Variants in PCDH15 observed in about 807,000 individuals in gnomAD.
PCDH15 encodes protocadherin related 15.
Under a neutral mutation model 178.5 loss-of-function variants are expected in PCDH15, and 129 were observed. The ratio of observed to expected loss-of-function variants is 0.72; its 90% CI spans 0.63 to 0.84. The LOEUF (loss-of-function observed/expected upper bound fraction) is 0.84. Ranked by LOEUF, PCDH15 falls within the 40% of genes least tolerant of loss-of-function variation. PCDH15 has a pLI of 0.00. For missense variants in PCDH15, 2,230 were observed against 2,099.9 expected (o/e 1.06, Z -1.21); for synonymous variants, 800 against 732.0 (o/e 1.09, Z -1.50).
intron 3 of PCDH15, among the ~76,000 whole-genome samples, chr10:54,525,107 G>T (rs1251338754): frequency 2.0e-5 from 3 of 152,140 alleles, no homozygotes; most frequent in Admixed American, 6.5e-5. Flanking sequence ...ATAAATAAGT[G>T]TTCTATAAAT....
intron 2 of PCDH15, among the ~76,000 whole-genome samples, chr10:55,462,031 G>A (rs1200069336): frequency 6.6e-6 from 1 of 152,026 alleles, no homozygotes; most frequent in Non-Finnish European, 1.5e-5. Context: ...TCGTGGTTTT[G>A]TGGGGTTTTT....
intron 1 of PCDH15, among the ~76,000 whole-genome samples, chr10:54,697,667 G>A (rs1376477036): frequency 1.3e-5 from 1 of 79,250 alleles, no homozygotes; most frequent in East Asian, 3.2e-4. Context: ...GAAGGGGAAG[G>A]GGGAAGGGGA....
rs149541828 is a variant in PCDH15, at chr10:54,096,053, C to T, written c.1918-5990G>A. ...TCTTCTCTGGAGAGCACTACAATCCCTATTTTACACATAATAAAATCTTAA... is the reference window on the plus strand; with the variant it reads ...TCTTCTCTGGAGAGCACTACAATCCTTATTTTACACATAATAAAATCTTAA... On this transcript the variant is annotated intron_variant, in intron 15 of 37. Transcript: ENST00000644397. 1.2e-3 allele frequency among the ~76,000 whole-genome samples: 188 copies of T among 152,192 alleles called. 3 individuals are homozygous for T. In the East Asian group the frequency reaches 0.033, roughly 26 times the overall value.
At chr10:54,199,567 C>CAATAATAATAATAATAATAAT (rs1408960891) in intron 10 of PCDH15, among the ~76,000 whole-genome samples, 4 of 89,576 alleles carry the variant, frequency 4.5e-5, no homozygotes, top group African/African-American at 9.6e-5. Context: ...ACAACAACAA[C>CAATAATAATAATAATAATAAT]AACAATAATA....
intron 3 of PCDH15, among the ~76,000 whole-genome samples, chr10:54,853,342 T>C (rs1288222614): frequency 1.5e-5 from 2 of 132,810 alleles, no homozygotes; most frequent in Admixed American, 8.3e-5. Flanking sequence ...TATACATATA[T>C]ATACATATAT....
At chr10:54,347,536 A>G (rs1943497895) in intron 5 of PCDH15, among the ~76,000 whole-genome samples, 1 of 152,180 alleles carries the variant, frequency 6.6e-6, no homozygotes, top group Non-Finnish European at 1.5e-5. Context: ...GGATTCCTTG[A>G]TGGTAAAAAT....
At chr10:54,351,759 C>A (rs912694823) in intron 5 of PCDH15, among the ~76,000 whole-genome samples, 1 of 152,100 alleles carries the variant, frequency 6.6e-6, no homozygotes, top group Non-Finnish European at 1.5e-5. Flanking sequence ...ACCCTGCCCA[C>A]CTTTTTTTGC....
chr10:55,476,127 C>A lies in PCDH15; in HGVS notation c.-156+151498G>T, dbSNP rs545417778. Among the ~76,000 whole-genome samples, 93 of 152,158 alleles carry A rather than the reference C, an allele frequency of 6.1e-4. No individual in the cohort carries two copies. The South Asian group carries it at 9.1e-3, about 15-fold the overall frequency. Reference sequence around the variant, plus strand: ...ATATCCAGTGCAATAACAGTAGAGGCTCAATAAGTACATGCTAAAACAATT... The same window carrying A: ...ATATCCAGTGCAATAACAGTAGAGGATCAATAAGTACATGCTAAAACAATT... On this transcript the variant is annotated intron_variant, in intron 2 of 5. Coordinates refer to the PCDH15 transcript ENST00000613346.
intron 11 of PCDH15, among the ~76,000 whole-genome samples, chr10:54,191,206 G>A (rs1211867431): frequency 6.6e-6 from 1 of 152,134 alleles, no homozygotes; most frequent in Non-Finnish European, 1.5e-5. Flanking sequence ...TAAGATATAG[G>A]ACCTATTCTC....
intron 2 of PCDH15, among the ~76,000 whole-genome samples, chr10:55,580,127 G>A (rs1564464036): frequency 6.6e-6 from 1 of 152,160 alleles, no homozygotes; most frequent in Non-Finnish European, 1.5e-5. Context: ...AAAGTGCTGG[G>A]ATTACAGGCG....
intron 2 of PCDH15, among the ~76,000 whole-genome samples, chr10:55,052,719 A>C (rs2131989671): frequency 6.6e-6 from 1 of 151,914 alleles, no homozygotes; most frequent in Middle Eastern, 3.4e-3. Flanking sequence ...CTGTCTCAAA[A>C]TAATTAATAA....
At chr10:53,907,139 G>A (rs753832047) in intron 25 of PCDH15, 1 of 152,032 alleles carries the variant, frequency 6.6e-6, no homozygotes, top group Non-Finnish European at 1.5e-5. Context: ...CTTGGCTCAC[G>A]TGCTTCCCCA....
chr10:54,000,391 G>T (rs1468934748), intron 20 of PCDH15, among the ~76,000 whole-genome samples: 2 of 152,110 alleles, frequency 1.3e-5, no homozygotes, highest in Admixed American at 6.5e-5. Context: ...TTCAGACAGA[G>T]AATTCAAAAT....
intron 2 of PCDH15, among the ~76,000 whole-genome samples, chr10:55,010,400 A>G (rs1360269010): frequency 1.3e-5 from 2 of 152,148 alleles, no homozygotes; most frequent in African/African-American, 4.8e-5. Flanking sequence ...TAAACAATAG[A>G]GAAGCCCATC....
chr10:54,986,925 T>C (rs1839383385), intron 2 of PCDH15, among the ~76,000 whole-genome samples: 2 of 152,198 alleles, frequency 1.3e-5, no homozygotes, highest in African/African-American at 4.8e-5. Flanking sequence ...TCAGGATACA[T>C]GTGCAGAATA....
At chr10:53,975,266 T>C (rs187089071) in intron 21 of PCDH15, among the ~76,000 whole-genome samples, 8 of 152,244 alleles carry the variant, frequency 5.3e-5, no homozygotes, top group Admixed American at 3.9e-4. Context: ...GACTTTTTGG[T>C]AGAGCAATTT....
intron 3 of PCDH15, among the ~76,000 whole-genome samples, chr10:54,823,270 C>T (rs1023554611): frequency 3.3e-5 from 5 of 151,930 alleles, no homozygotes; most frequent in African/African-American, 1.2e-4. Context: ...TTTCACTTTG[C>T]TCAGGCTCCA....
intron 2 of PCDH15, among the ~76,000 whole-genome samples, chr10:55,365,797 T>C (rs1046110082): frequency 6.6e-6 from 1 of 152,112 alleles, no homozygotes; most frequent in African/African-American, 2.4e-5. Context: ...AAACTCTTTC[T>C]TTTGTAAATT....
chr10:54,152,264 T>G (rs560851139), intron 14 of PCDH15, among the ~76,000 whole-genome samples: 25 of 152,292 alleles, frequency 1.6e-4, no homozygotes, highest in African/African-American at 5.5e-4. Flanking sequence ...AAAACTGATA[T>G]ACTTGCACAT....
Sources: gnomAD v4.1 joint callset for allele counts (sites outside exome capture counted in the v4.1 genomes callset) on GRCh38, gnomAD v4.1.1 for gene constraint, MANE v1.5 for transcripts, NCBI Gene and HGNC (gene_info 2026-07-23, HGNC 2026-07-21) for gene names.